The following GALNTL6 variants were observed in gnomAD, a reference collection of about 807,000 sequenced individuals.
GALNTL6 encodes the protein polypeptide N-acetylgalactosaminyltransferase like 6.
GALNTL6 carries 46 observed loss-of-function variants against 73.7 expected under a neutral mutation model. That is an observed-to-expected ratio of 0.62 (90% CI 0.49 to 0.80). The LOEUF (loss-of-function observed/expected upper bound fraction) is 0.80. Among genes scored for constraint, GALNTL6 ranks in the 30% least tolerant of loss-of-function variants. GALNTL6 has a pLI of 0.00. For missense variants in GALNTL6, 604 were observed against 755.0 expected (o/e 0.80, Z 2.34); for synonymous variants, 259 against 263.7 (o/e 0.98, Z 0.17).
intron 2 of GALNTL6, among the ~76,000 whole-genome samples, chr4:172,029,864 C>T (rs1194279894): frequency 6.6e-6 from 1 of 152,036 alleles, no homozygotes; most frequent in Non-Finnish European, 1.5e-5. Context: ...TTGTGTGATG[C>T]TCTAGAAGAC....
intron 5 of GALNTL6, among the ~76,000 whole-genome samples, chr4:172,569,056 G>A (rs1000147085): frequency 6.6e-6 from 1 of 152,128 alleles, no homozygotes; most frequent in Non-Finnish European, 1.5e-5. Flanking sequence ...AGTTGGCACA[G>A]AACTCAGTTG....
chr4:172,751,612 T>C (rs1407896009), intron 5 of GALNTL6, among the ~76,000 whole-genome samples: 2 of 152,216 alleles, frequency 1.3e-5, no homozygotes, highest in Non-Finnish European at 2.9e-5. Context: ...TCCTGAGCCT[T>C]TTGAAGTCAC....
At chr4:172,246,736 A>G in intron 3 of GALNTL6, among the ~76,000 whole-genome samples, 1 of 150,920 alleles carries the variant, frequency 6.6e-6, no homozygotes, top group East Asian at 1.9e-4. Flanking sequence ...TATTAATCCT[A>G]TTTTAACATG....
At chr4:172,394,553 T>A (rs959904902) in intron 5 of GALNTL6, among the ~76,000 whole-genome samples, 7 of 150,870 alleles carry the variant, frequency 4.6e-5, no homozygotes, top group Admixed American at 6.6e-5. Flanking sequence ...TGCTTCAGCC[T>A]CCTGAGTAGC....
At chr4:172,751,813 G>A (rs545183372) in intron 5 of GALNTL6, among the ~76,000 whole-genome samples, 118 of 152,336 alleles carry the variant, frequency 7.7e-4, no homozygotes, top group African/African-American at 2.7e-3. Context: ...TCTAGTCTGA[G>A]CAGTTCTGTC....
intron 5 of GALNTL6, among the ~76,000 whole-genome samples, chr4:172,795,593 C>A (rs1740218861): frequency 6.6e-6 from 1 of 152,038 alleles, no homozygotes; most frequent in Non-Finnish European, 1.5e-5. Context: ...ACAGGGTACA[C>A]AAGATGTTTT....
intron 10 of GALNTL6, among the ~76,000 whole-genome samples, chr4:172,970,497 G>A (rs576460671): frequency 8.5e-4 from 129 of 152,296 alleles, no homozygotes; most frequent in Middle Eastern, 3.4e-3. Context: ...GCTAGGAGAA[G>A]AATTCAGCGA....
chr4:172,080,379 CTG>C (rs1731844200), intron 2 of GALNTL6, among the ~76,000 whole-genome samples: 1 of 151,988 alleles, frequency 6.6e-6, no homozygotes, highest in Non-Finnish European at 1.5e-5. Flanking sequence ...GACGAGGTGT[CTG>C]TATATTTCCC....
intron 5 of GALNTL6, among the ~76,000 whole-genome samples, chr4:172,761,286 G>A (rs1343764627): frequency 6.6e-6 from 1 of 152,154 alleles, no homozygotes; most frequent in Non-Finnish European, 1.5e-5. Flanking sequence ...GTATACTACT[G>A]TGTGTGCTTC....
At chr4:172,097,523 C>T (rs1371949282) in intron 2 of GALNTL6, among the ~76,000 whole-genome samples, 1 of 152,078 alleles carries the variant, frequency 6.6e-6, no homozygotes, top group Admixed American at 6.6e-5. Context: ...ATTATCCCTT[C>T]CTCTCTCCCT....
At chr4:172,386,430 T>C (rs1743474143) in intron 5 of GALNTL6, among the ~76,000 whole-genome samples, 1 of 152,198 alleles carries the variant, frequency 6.6e-6, no homozygotes, top group Admixed American at 6.5e-5. Context: ...CTCTCTCTTG[T>C]CTCTTCATGA....
At chr4:172,357,607 G>C (rs1161806718) in intron 5 of GALNTL6, among the ~76,000 whole-genome samples, 1 of 140,306 alleles carries the variant, frequency 7.1e-6, no homozygotes, top group Non-Finnish European at 1.5e-5. Context: ...ACTATATGGA[G>C]AATATATGTA....
chr4:171,948,257 G>T (rs1738762592), intron 2 of GALNTL6, among the ~76,000 whole-genome samples: 1 of 152,136 alleles, frequency 6.6e-6, no homozygotes, highest in African/African-American at 2.4e-5. Context: ...CCACTTTGGG[G>T]TATGAGTCTG....
At chr4:172,906,716 G>A (rs1445266164) in intron 8 of GALNTL6, among the ~76,000 whole-genome samples, 1 of 152,224 alleles carries the variant, frequency 6.6e-6, no homozygotes, top group Non-Finnish European at 1.5e-5. Flanking sequence ...GCTCCTAGCA[G>A]TCACTCTCAG....
chr4:172,130,456 T>C (rs1258774357), intron 2 of GALNTL6, among the ~76,000 whole-genome samples: 1 of 151,950 alleles, frequency 6.6e-6, no homozygotes, highest in African/African-American at 2.4e-5. Context: ...CTGAAAAAAA[T>C]TGTAAGTGCT....
chr4:172,940,813 C>G (rs1377137793), intron 9 of GALNTL6, among the ~76,000 whole-genome samples: 3 of 152,082 alleles, frequency 2.0e-5, no homozygotes, highest in African/African-American at 7.2e-5. Context: ...GCTGGGACTA[C>G]AGGCACACGC....
intron 10 of GALNTL6, among the ~76,000 whole-genome samples, chr4:172,966,025 A>G (rs1462964325): frequency 6.6e-6 from 1 of 152,224 alleles, no homozygotes; most frequent in Non-Finnish European, 1.5e-5. Context: ...GAATAAAATT[A>G]ATCTTTGCCA....
intron 2 of GALNTL6, among the ~76,000 whole-genome samples, chr4:171,865,844 A>G (rs1029007163): frequency 1.3e-5 from 2 of 152,214 alleles, no homozygotes; most frequent in African/African-American, 4.8e-5. Flanking sequence ...TTTTCTGTCA[A>G]ATAAAATCTT....
At chr4:172,861,798 T>TAAGA (rs1250222074) in intron 7 of GALNTL6, among the ~76,000 whole-genome samples, 4 of 152,218 alleles carry the variant, frequency 2.6e-5, no homozygotes, top group Non-Finnish European at 5.9e-5. Context: ...TGCCACCATG[T>TAAGA]AAGACATGAC....
Sources: gnomAD v4.1 joint callset for allele counts (sites outside exome capture counted in the v4.1 genomes callset) on GRCh38, gnomAD v4.1.1 for gene constraint, MANE v1.5 for transcripts, NCBI Gene and HGNC (gene_info 2026-07-23, HGNC 2026-07-21) for gene names.